The following PRKAR1B variants were observed in gnomAD, a reference collection of about 807,000 sequenced individuals.
PRKAR1B encodes protein kinase cAMP-dependent type I regulatory subunit beta.
In PRKAR1B, 22 loss-of-function variants were observed where a neutral mutation model predicts 46.5. That is an observed-to-expected ratio of 0.47 (90% CI 0.34 to 0.68). The LOEUF (loss-of-function observed/expected upper bound fraction) is 0.68. PRKAR1B is among the 30% of genes least tolerant of loss of function. The pLI is 0.01. For missense variants in PRKAR1B, 445 were observed against 535.6 expected, an observed-to-expected ratio of 0.83 and a Z score of 1.67; for synonymous variants, 259 against 217.7, an observed-to-expected ratio of 1.19 and a Z score of -1.67.
chr7:679,840 T>A (rs1778556514), intron 3 of PRKAR1B, among the ~76,000 whole-genome samples: 1 of 152,020 alleles, frequency 6.6e-6, no homozygotes, highest in South Asian at 2.1e-4. Flanking sequence ...GGGCCCTGAA[T>A]AATGGGATTT....
chr7:588,597 G>A (rs1474964786), intron 7 of PRKAR1B, among the ~76,000 whole-genome samples: 1,219 of 48,208 alleles, frequency 0.025, 40 homozygotes, highest in African/African-American at 0.079. Flanking sequence ...GGTGATGACG[G>A]TGGTGATGGT....
chr7:587,406 A>T (rs540667034), intron 7 of PRKAR1B, among the ~76,000 whole-genome samples: 10 of 152,236 alleles, frequency 6.6e-5, no homozygotes, highest in African/African-American at 2.2e-4. Flanking sequence ...GGAGGAGGAG[A>T]AAGTGGAGGT....
At position 602,660 on chromosome 7, in the gene PRKAR1B, C is replaced by A; in HGVS notation, c.549+3533G>T. 5.9e-6 allele frequency: 1 copy of A among 170,074 alleles called. No individual in the cohort carries two copies. Among genetic ancestry groups the A allele is most frequent in the Middle Eastern group, 5.2e-4 (1 of 1,932 alleles). The allele number at this position is 170,074 out of a possible 1,614,324, so 10.5% of individuals were successfully genotyped here. A position where few individuals can be genotyped will look rare whatever the true frequency, so the allele number is the denominator to read the frequency against. ...ACAAGCCCGGGGCGTGGGTGGTGGG[C>A]GTTTCCTCTGTGGGGTGGACGAGGC... On this transcript the variant is annotated intron_variant, in intron 6 of 10. Transcript: ENST00000537384. This position sits in a 1 kb window ranked among gnomAD's most constrained non-coding sequence, Gnocchi z 6.4.
At chr7:625,105 A>G (rs1431560024) in intron 4 of PRKAR1B, among the ~76,000 whole-genome samples, 1 of 152,246 alleles carries the variant, frequency 6.6e-6, no homozygotes, top group Non-Finnish European at 1.5e-5. Flanking sequence ...CAGTAACAGA[A>G]AGATAGATAG....
intron 4 of PRKAR1B, among the ~76,000 whole-genome samples, chr7:623,806 C>G (rs184296691): frequency 6.6e-6 from 1 of 152,208 alleles, no homozygotes; most frequent in Non-Finnish European, 1.5e-5. Context: ...CACTGAATAA[C>G]GTTTTCTTGG....
Position 685,388 on chromosome 7 carries a change from ATATATATATATATG to A in PRKAR1B, c.178-4676_178-4663del, listed in dbSNP as rs1167471855. Among the ~76,000 whole-genome samples the A allele has an allele frequency of 1.1e-4, 13 of 123,052 alleles. 1 individual carries two copies. 80.7% of individuals were successfully genotyped at this position (123,052 alleles called of 152,430 possible). On this transcript the variant is annotated intron_variant, in intron 2 of 10. Transcript: ENST00000537384. ...TACACATATATATATATACATACATATATATATATATATGTATATATATACCAAAAACATTCCAG... is the reference window on the plus strand; with the variant it reads ...TACACATATATATATATACATACATATATATATATACCAAAAACATTCCAG...
At chr7:621,198 A>C (rs1430827595) in intron 4 of PRKAR1B, among the ~76,000 whole-genome samples, 2 of 152,344 alleles carry the variant, frequency 1.3e-5, no homozygotes, top group Middle Eastern at 3.4e-3. Flanking sequence ...TTGAGAAGTA[A>C]GAATAGACAG....
rs956493383 is a variant in PRKAR1B, at chr7:549,881, G to C, written c.*549C>G. 1.3e-5 allele frequency: 2 copies of C among 153,614 alleles called. No homozygotes were observed. Among genetic ancestry groups the C allele is most frequent in the African/African-American group, 4.8e-5 (2 of 41,430 alleles). 9.5% of individuals were successfully genotyped at this position (153,614 alleles called of 1,614,324 possible). A position where few individuals can be genotyped will look rare whatever the true frequency, so the allele number is the denominator to read the frequency against. ...CCGCAGCAGGGCCCCCGGGGGAGGT[G>C]GGGGTGCGGCGGGGTGCAGTGGCGC... On this transcript the variant is annotated 3_prime_UTR_variant, in exon 11 of 11. Transcript: ENST00000537384.
intron 6 of PRKAR1B, among the ~76,000 whole-genome samples, chr7:603,464 C>T (rs1721810455): frequency 6.6e-6 from 1 of 152,162 alleles, no homozygotes; most frequent in Non-Finnish European, 1.5e-5. Context: ...CTTGGTCCCT[C>T]TCCCCCATTA....
chr7:600,706 T>C (rs1336074521), intron 6 of PRKAR1B, among the ~76,000 whole-genome samples: 1 of 152,098 alleles, frequency 6.6e-6, no homozygotes, highest in Non-Finnish European at 1.5e-5. Context: ...GACGTCGTGA[T>C]GCCTGGGACG....
rs200894141 is a variant in PRKAR1B, at chr7:560,359, A to AAATAATAATAAT, written c.892-8901_892-8890dup. On this transcript the variant is annotated intron_variant, in intron 9 of 10. Coordinates refer to ENST00000537384, the MANE Select transcript of PRKAR1B (RefSeq NM_001164760.2). This position sits in a 1 kb window ranked among gnomAD's most constrained non-coding sequence, Gnocchi z 4.2. ...TAGCAGTGTTAGAATGAACTAATAC[A>AAATAATAATAAT]AATAATAATAATAATAATAATAATA... Among the ~76,000 whole-genome samples the AAATAATAATAAT allele has an allele frequency of 6.7e-3, 989 of 146,556 alleles. 6 individuals are homozygous for AAATAATAATAAT. The highest frequency in any genetic ancestry group is 9.6e-3 in the South Asian group (45 of 4,676).
At chr7:603,645 C>A (rs1311417496) in intron 6 of PRKAR1B, among the ~76,000 whole-genome samples, 1 of 132,206 alleles carries the variant, frequency 7.6e-6, no homozygotes, top group Non-Finnish European at 1.6e-5. Context: ...ACACCAGGAC[C>A]CAGAGTGGAG....
chr7:627,789 C>A (rs1325427216), intron 4 of PRKAR1B, among the ~76,000 whole-genome samples: 1 of 146,584 alleles, frequency 6.8e-6, no homozygotes, highest in African/African-American at 2.5e-5. Context: ...GCTCAGGCAG[C>A]CTGGAAGATC....
chr7:553,044 T>C (rs1303711999), intron 9 of PRKAR1B, among the ~76,000 whole-genome samples: 1 of 152,222 alleles, frequency 6.6e-6, no homozygotes, highest in Admixed American at 6.5e-5. Flanking sequence ...GGTAGCTGAA[T>C]GTCCCCTGGA....
intron 8 of PRKAR1B, among the ~76,000 whole-genome samples, chr7:581,885 T>G (rs1583241854): frequency 6.6e-6 from 1 of 152,218 alleles, no homozygotes; most frequent in Middle Eastern, 3.4e-3. Context: ...CCGGCTAACT[T>G]TTTAAAAATT....
At chr7:601,885 G>T (rs990445313) in intron 6 of PRKAR1B, among the ~76,000 whole-genome samples, 1 of 152,178 alleles carries the variant, frequency 6.6e-6, no homozygotes, top group Non-Finnish European at 1.5e-5. Context: ...CCTGACCCGG[G>T]GGGGCTGGGG....
intron 9 of PRKAR1B, 138 bp from the exon 10 acceptor site, chr7:551,608 C>T (rs1205057823): frequency 3.9e-6 from 3 of 775,994 alleles, no homozygotes; most frequent in African/African-American, 1.7e-5. Flanking sequence ...CCACTGCCGA[C>T]ACCACGTCAC....
chr7:713,885 C>G (rs1465948366), intron 1 of PRKAR1B, among the ~76,000 whole-genome samples: 1 of 152,242 alleles, frequency 6.6e-6, no homozygotes, highest in Non-Finnish European at 1.5e-5. Context: ...CAGCCCTCAC[C>G]CTCAGCACCC....
In PRKAR1B at chr7:613,471, C is replaced by G. The variant is rs1407861447; in HGVS notation, c.441-6019G>C. On this transcript the variant is annotated intron_variant, in intron 4 of 10. Coordinates refer to ENST00000537384, the MANE Select transcript of PRKAR1B (RefSeq NM_001164760.2). ...TTCTGAGTGTGGCACAGACTCCAAG[C>G]CCACAACGTCTGAGGAAGCGTACGG... Among the ~76,000 whole-genome samples, 3 of 152,270 alleles carry G rather than the reference C, an allele frequency of 2.0e-5. No homozygotes were observed. In the East Asian group the frequency reaches 5.8e-4, roughly 29 times the overall value.
Sources: allele counts gnomAD v4.1 joint callset (sites outside exome capture counted in the v4.1 genomes callset), GRCh38; gene constraint gnomAD v4.1.1; non-coding constraint Gnocchi (gnomAD v3.1); transcripts MANE v1.5; gene names NCBI Gene and HGNC (gene_info 2026-07-23, HGNC 2026-07-21).